The following XKR9 variants were observed in gnomAD, a reference collection of about 807,000 sequenced individuals.
XKR9 encodes the protein XK-related protein 9.
In XKR9, 32 loss-of-function variants were observed where a neutral mutation model predicts 32.0. That is an observed-to-expected ratio of 1.00 (90% CI 0.76 to 1.34). The LOEUF (loss-of-function observed/expected upper bound fraction) is 1.34. Ranked by LOEUF, XKR9 falls within the 40% of genes most tolerant of loss-of-function variation. The pLI is 0.00. For synonymous variants in XKR9, 168 were observed against 143.4 expected, an observed-to-expected ratio of 1.17 and a Z score of -1.22; for missense variants, 546 against 429.7, an observed-to-expected ratio of 1.27 and a Z score of -2.39.
the XKR9 span, among the ~76,000 whole-genome samples, chr8:70,868,539 A>G: frequency 6.6e-6 from 1 of 152,058 alleles, no homozygotes; most frequent in Admixed American, 6.6e-5. Context: ...GGCTGGAGTG[A>G]CTGGGACACC....
At chr8:70,909,462 A>G in the XKR9 span, among the ~76,000 whole-genome samples, 10 of 152,166 alleles carry the variant, frequency 6.6e-5, no homozygotes, top group South Asian at 6.2e-4. Flanking sequence ...CTGTGTTCCA[A>G]TAGGCCATTT....
chr8:70,974,999 G>A, the XKR9 span, among the ~76,000 whole-genome samples: 2 of 152,184 alleles, frequency 1.3e-5, no homozygotes, highest in Non-Finnish European at 2.9e-5. Context: ...GTGATGATAA[G>A]CATTTTTTCC....
At chr8:70,931,497 G>T in the XKR9 span, among the ~76,000 whole-genome samples, 4 of 152,162 alleles carry the variant, frequency 2.6e-5, no homozygotes, top group Non-Finnish European at 5.9e-5. Context: ...GGTCCTTAAG[G>T]CCTTTTCAGC....
At chr8:70,716,981 C>T (rs1806115520) in intron 4 of XKR9, among the ~76,000 whole-genome samples, 1 of 152,208 alleles carries the variant, frequency 6.6e-6, no homozygotes, top group African/African-American at 2.4e-5. Context: ...CAACAGGCCC[C>T]ATGCAAGTCT....
intron 3 of XKR9, among the ~76,000 whole-genome samples, chr8:70,702,708 C>T (rs777619297): frequency 3.4e-4 from 52 of 152,140 alleles, no homozygotes; most frequent in African/African-American, 5.8e-4. Context: ...TTCCTTGATT[C>T]GAAGTCTGTT....
intron 2 of XKR9, among the ~76,000 whole-genome samples, chr8:70,785,856 A>G (rs935946491): frequency 3.3e-5 from 5 of 150,602 alleles, no homozygotes; most frequent in African/African-American, 1.2e-4. Flanking sequence ...TTTCTATGTC[A>G]TTTGTCTCCC....
the XKR9 span, among the ~76,000 whole-genome samples, chr8:70,926,235 C>A: frequency 6.6e-6 from 1 of 152,044 alleles, no homozygotes; most frequent in African/African-American, 2.4e-5. Context: ...GCACCATGCC[C>A]GGCTTTTGTA....
At chr8:70,911,611 G>A in the XKR9 span, among the ~76,000 whole-genome samples, 18 of 152,166 alleles carry the variant, frequency 1.2e-4, no homozygotes, top group East Asian at 9.6e-4. Context: ...ATAGAGTGGC[G>A]GAATAAGACA....
At chr8:70,981,124 G>A in the XKR9 span, among the ~76,000 whole-genome samples, 1 of 152,160 alleles carries the variant, frequency 6.6e-6, no homozygotes. Flanking sequence ...TCTAGGTGAT[G>A]ATCTTTTTGC....
At chr8:70,765,327 A>G (rs1369408185) in intron 2 of XKR9, among the ~76,000 whole-genome samples, 1 of 152,110 alleles carries the variant, frequency 6.6e-6, no homozygotes, top group Non-Finnish European at 1.5e-5. Context: ...TTTGATTTGC[A>G]TTTCTCTAAT....
chr8:71,022,165 G>C, the XKR9 span, among the ~76,000 whole-genome samples: 2 of 152,050 alleles, frequency 1.3e-5, no homozygotes, highest in African/African-American at 4.8e-5. Context: ...TTTAATTTTG[G>C]GTTTTGTATT....
chr8:70,888,776 T>C, the XKR9 span, among the ~76,000 whole-genome samples: 3 of 152,030 alleles, frequency 2.0e-5, no homozygotes, highest in Non-Finnish European at 4.4e-5. Context: ...ATGCATGGAC[T>C]TATATGTGGG....
chr8:70,816,566 G>C, the XKR9 span, among the ~76,000 whole-genome samples: 1 of 152,114 alleles, frequency 6.6e-6, no homozygotes, highest in African/African-American at 2.4e-5. Context: ...ACATCACCAA[G>C]GCATGTAGTC....
At chr8:70,852,418 C>T in the XKR9 span, among the ~76,000 whole-genome samples, 2 of 151,868 alleles carry the variant, frequency 1.3e-5, no homozygotes, top group African/African-American at 4.8e-5. Context: ...GGATATATAC[C>T]CAGCAATCCC....
chr8:70,892,986 G>C, the XKR9 span, among the ~76,000 whole-genome samples: 1 of 151,770 alleles, frequency 6.6e-6, no homozygotes, highest in Non-Finnish European at 1.5e-5. Flanking sequence ...ACATTTGTTT[G>C]CTTAGTGGTG....
At chr8:70,902,926 A>C in the XKR9 span, among the ~76,000 whole-genome samples, 12,745 of 152,160 alleles carry the variant, frequency 0.084, 609 homozygotes, top group African/African-American at 0.097. Context: ...GGTTCTGTTT[A>C]TATGATGGAT....
chr8:70,973,412 C>A, the XKR9 span, among the ~76,000 whole-genome samples: 2 of 152,010 alleles, frequency 1.3e-5, no homozygotes, highest in Admixed American at 6.6e-5. Flanking sequence ...AAAGAACCAG[C>A]TTTTTGTTTC....
chr8:70,818,302 T>C, the XKR9 span, among the ~76,000 whole-genome samples: 4 of 152,156 alleles, frequency 2.6e-5, no homozygotes, highest in Non-Finnish European at 5.9e-5. Context: ...CTAATTATGA[T>C]TCACCACCCA....
At chr8:70,702,280 T>C (rs1563434044) in intron 3 of XKR9, among the ~76,000 whole-genome samples, 1 of 152,192 alleles carries the variant, frequency 6.6e-6, no homozygotes, top group Non-Finnish European at 1.5e-5. Flanking sequence ...AAATTTATTA[T>C]AATAACATAC....
Sources: gnomAD v4.1 joint callset for allele counts (sites outside exome capture counted in the v4.1 genomes callset) on GRCh38, gnomAD v4.1.1 for gene constraint, MANE v1.5 for transcripts, NCBI Gene and HGNC (gene_info 2026-07-23, HGNC 2026-07-21) for gene names.